ARMC9: variants seen among roughly 807,000 people sequenced by gnomAD.
The protein encoded by ARMC9 is lisH domain-containing protein ARMC9.
ARMC9 carries 94 observed loss-of-function variants against 107.0 expected under a neutral mutation model. The observed-to-expected ratio is 0.88, with a 90% CI of 0.74 to 1.04. The LOEUF (loss-of-function observed/expected upper bound fraction) is 1.04. Ranked by LOEUF, ARMC9 falls within the 50% of genes least tolerant of loss-of-function variation. The probability of loss-of-function intolerance (pLI) is 0.00; values close to 1 mark genes in which losing one functional copy is unlikely to be tolerated. For missense variants in ARMC9, 942 were observed against 1,030.1 expected (o/e 0.91, Z 1.17); for synonymous variants, 380 against 396.9 (o/e 0.96, Z 0.51).
chr2:231,256,819 G>A (rs964766890), intron 10 of ARMC9, among the ~76,000 whole-genome samples, 199 bp downstream of exon 10: 1 of 152,072 alleles, frequency 6.6e-6, no homozygotes, highest in Admixed American at 6.6e-5. Flanking sequence ...TGCCTGTGTG[G>A]TTTTTTTGTT....
At chr2:231,254,100 T>C (rs12621567) in intron 9 of ARMC9, among the ~76,000 whole-genome samples, 67,194 of 151,978 alleles carry the variant, frequency 0.44, 18,660 homozygotes, top group African/African-American at 0.8. Flanking sequence ...GCATGCCTCA[T>C]TCACACCACA....
At chr2:231,238,872 G>A (rs1456071753) in intron 8 of ARMC9, among the ~76,000 whole-genome samples, 1 of 152,220 alleles carries the variant, frequency 6.6e-6, no homozygotes, top group Non-Finnish European at 1.5e-5. Flanking sequence ...GTAGCAGATA[G>A]GCAGGAGGCC....
chr2:231,274,341 C>T (rs1452373123), intron 14 of ARMC9, among the ~76,000 whole-genome samples: 3 of 152,164 alleles, frequency 2.0e-5, no homozygotes. Context: ...TGGTCTCGAA[C>T]TCCTAACCTT....
At chr2:231,340,392 C>T (rs1226567841) in intron 20 of ARMC9, among the ~76,000 whole-genome samples, 1 of 152,146 alleles carries the variant, frequency 6.6e-6, no homozygotes. Flanking sequence ...AATCCTAAGC[C>T]AAAGTGGCTT....
chr2:231,356,383 A>G (rs975339415), intron 22 of ARMC9, among the ~76,000 whole-genome samples: 1 of 152,236 alleles, frequency 6.6e-6, no homozygotes, highest in Non-Finnish European at 1.5e-5. Flanking sequence ...CTTCCAGCTG[A>G]GTTAACCAGA....
At chr2:231,346,477 C>T (rs1404960485) in intron 21 of ARMC9, among the ~76,000 whole-genome samples, 1 of 152,148 alleles carries the variant, frequency 6.6e-6, no homozygotes, top group East Asian at 1.9e-4. Flanking sequence ...GCTGAGATCT[C>T]GCCACTAGCA....
At chr2:231,285,280 C>T (rs1362223556) in intron 17 of ARMC9, among the ~76,000 whole-genome samples, 1 of 152,016 alleles carries the variant, frequency 6.6e-6, no homozygotes, top group African/African-American at 2.4e-5. Flanking sequence ...TCCTTAATGG[C>T]TTCTACATAG....
In ARMC9 at chr2:231,371,660, G is replaced by A; in HGVS notation, c.*125G>A. ...TCCACAAGACTCTGGGAGCTGAGGGGAGGCCGGCTCTCCAGGCAGCACCAG... is the reference window on the plus strand; with the variant it reads ...TCCACAAGACTCTGGGAGCTGAGGGAAGGCCGGCTCTCCAGGCAGCACCAG... On this transcript the variant is annotated 3_prime_UTR_variant, in exon 25 of 25. Transcript: ENST00000611582. The A allele has an allele frequency of 2.0e-6, 2 of 1,009,570 alleles. No individual in the cohort carries two copies. The highest frequency in any genetic ancestry group is 2.5e-6 in the Non-Finnish European group (2 of 785,088). 62.5% of individuals were successfully genotyped at this position (1,009,570 alleles called of 1,614,324 possible).
At chr2:231,283,108 T>C (rs1182787074) in intron 17 of ARMC9, among the ~76,000 whole-genome samples, 1 of 150,562 alleles carries the variant, frequency 6.6e-6, no homozygotes, top group Non-Finnish European at 1.5e-5. Flanking sequence ...TGAGGAAGAG[T>C]CACAGTTGCA....
intron 5 of ARMC9, 111 bp downstream of exon 5, chr2:231,216,904 C>T (rs536361196): frequency 2.4e-6 from 3 of 1,262,016 alleles, no homozygotes; most frequent in Non-Finnish European, 3.3e-6. Context: ...AATTTGCTTA[C>T]ATTAGTATTA....
chr2:231,312,120 AG>A (rs1367925125), intron 19 of ARMC9, among the ~76,000 whole-genome samples: 1 of 152,218 alleles, frequency 6.6e-6, no homozygotes, highest in African/African-American at 2.4e-5. Context: ...TTGGCTTGGC[AG>A]GTCCTCTGCT....
intron 9 of ARMC9, among the ~76,000 whole-genome samples, chr2:231,241,106 G>C (rs1426324569): frequency 1.3e-5 from 2 of 151,414 alleles, no homozygotes; most frequent in Non-Finnish European, 2.9e-5. Context: ...GCTGAGGCAG[G>C]AGAATCGCTT....
Position 231,371,567 on chromosome 2 carries a change from G to A in ARMC9, c.*32G>A, listed in dbSNP as rs1297976454. 1.4e-5 allele frequency: 17 copies of A among 1,204,926 alleles called. No homozygotes were observed. Among genetic ancestry groups the A allele is most frequent in the Admixed American group, 4.4e-5 (1 of 22,734 alleles). 74.6% of individuals were successfully genotyped at this position (1,204,926 alleles called of 1,614,324 possible). On this transcript the variant is annotated 3_prime_UTR_variant, in exon 25 of 25. Coordinates refer to ENST00000611582, the MANE Select transcript of ARMC9 (RefSeq NM_001352754.2). ...CCCCGGGTGTCCCCATCACGTTGCC[G>A]GAGGACCAGCCAGCTTCCCGCTCTC...
intron 13 of ARMC9, among the ~76,000 whole-genome samples, chr2:231,272,355 G>A (rs917051049): frequency 6.6e-6 from 1 of 151,784 alleles, no homozygotes; most frequent in Non-Finnish European, 1.5e-5. Flanking sequence ...CATCATACCT[G>A]GCTAATGTTC....
At position 231,243,896 on chromosome 2, in the gene ARMC9, G is replaced by A. The variant is rs1012101984; in HGVS notation, c.879+3855G>A. On this transcript the variant is annotated intron_variant, in intron 9 of 24. Coordinates refer to ENST00000611582, the MANE Select transcript of ARMC9 (RefSeq NM_001352754.2). ...CAGTGACTGGACTGATAGGATTTAG[G>A]ATTTGGAAGGAGAAGAAGATTGCTT... Among the ~76,000 whole-genome samples, 4 of 152,194 alleles carry A rather than the reference G, an allele frequency of 2.6e-5. No individual in the cohort carries two copies. In the South Asian group the frequency reaches 8.3e-4, roughly 32 times the overall value.
intron 14 of ARMC9, among the ~76,000 whole-genome samples, chr2:231,276,277 T>C (rs1008122770): frequency 2.6e-5 from 4 of 151,074 alleles, no homozygotes; most frequent in Admixed American, 1.3e-4. Flanking sequence ...GTTTCTTCTT[T>C]TTTTTTTTTT....
chr2:231,290,743 TAGAAAA>T (rs1292892595), intron 17 of ARMC9, among the ~76,000 whole-genome samples: 2 of 152,212 alleles, frequency 1.3e-5, no homozygotes, highest in African/African-American at 4.8e-5. Flanking sequence ...ATTCTTTTAA[TAGAAAA>T]GGAATGAAAT....
chr2:231,287,519 A>G (rs1294780472), intron 17 of ARMC9, among the ~76,000 whole-genome samples: 1 of 152,138 alleles, frequency 6.6e-6, no homozygotes, highest in East Asian at 1.9e-4. Context: ...CGTGATGCTC[A>G]CTAGGTATGG....
intron 8 of ARMC9, among the ~76,000 whole-genome samples, chr2:231,238,925 G>A (rs1234660069): frequency 6.6e-6 from 1 of 152,190 alleles, no homozygotes; most frequent in Non-Finnish European, 1.5e-5. Context: ...GCTCCCCAGG[G>A]GTGGAGTAGC....
Sources: allele counts gnomAD v4.1 joint callset (sites outside exome capture counted in the v4.1 genomes callset), GRCh38; gene constraint gnomAD v4.1.1; transcripts MANE v1.5; gene names NCBI Gene and HGNC (gene_info 2026-07-23, HGNC 2026-07-21).